The following HS6ST3 variants were observed in gnomAD, a reference collection of about 807,000 sequenced individuals.
HS6ST3 encodes heparan sulfate 6-O-sulfotransferase 3.
Under a neutral mutation model 36.7 loss-of-function variants are expected in HS6ST3, and 12 were observed. That is an observed-to-expected ratio of 0.33 (90% CI 0.21 to 0.53). The LOEUF (loss-of-function observed/expected upper bound fraction) is 0.53. Ranked by LOEUF, HS6ST3 falls within the 20% of genes least tolerant of loss-of-function variation. HS6ST3 has a pLI of 0.95. For synonymous variants in HS6ST3, 240 were observed against 257.5 expected, an observed-to-expected ratio of 0.93 and a Z score of 0.65; for missense variants, 584 against 640.9, an observed-to-expected ratio of 0.91 and a Z score of 0.96.
intron 1 of HS6ST3, among the ~76,000 whole-genome samples, chr13:96,462,672 A>G (rs1046103431): frequency 1.3e-5 from 2 of 152,220 alleles, no homozygotes; most frequent in East Asian, 3.9e-4. Context: ...CAAAACTGTC[A>G]TTGTTTAAAG....
At chr13:96,653,796 A>C (rs892149161) in intron 1 of HS6ST3, among the ~76,000 whole-genome samples, 1 of 152,208 alleles carries the variant, frequency 6.6e-6, no homozygotes, top group Admixed American at 6.5e-5. Context: ...TGTCTACCAC[A>C]ATGGTTGAAC....
intron 1 of HS6ST3, among the ~76,000 whole-genome samples, chr13:96,767,440 T>C (rs186334650): frequency 6.6e-6 from 1 of 152,350 alleles, no homozygotes; most frequent in Admixed American, 6.5e-5. Flanking sequence ...GTGTGTGATA[T>C]TGAAGTTATG....
intron 1 of HS6ST3, among the ~76,000 whole-genome samples, chr13:96,422,589 C>G (rs1161229848): frequency 6.6e-6 from 1 of 152,164 alleles, no homozygotes; most frequent in Non-Finnish European, 1.5e-5. Flanking sequence ...GCAATTGCCA[C>G]TATGTGATAG....
chr13:96,669,778 G>A (rs961957281), intron 1 of HS6ST3, among the ~76,000 whole-genome samples: 2 of 152,072 alleles, frequency 1.3e-5, no homozygotes, highest in African/African-American at 4.8e-5. Flanking sequence ...AAGACCCTCT[G>A]TTCTAAGGCT....
intron 1 of HS6ST3, among the ~76,000 whole-genome samples, chr13:96,153,807 C>T (rs1431094368): frequency 1.3e-5 from 2 of 152,116 alleles, no homozygotes; most frequent in African/African-American, 2.4e-5. Flanking sequence ...GAGGAATTTC[C>T]AACCAGAATA....
chr13:96,606,735 G>T (rs984806554), intron 1 of HS6ST3, among the ~76,000 whole-genome samples: 5 of 151,944 alleles, frequency 3.3e-5, no homozygotes, highest in Non-Finnish European at 1.5e-5. Flanking sequence ...CCACATGACA[G>T]ATCTGCCCAT....
At chr13:96,395,591 C>T (rs552216202) in intron 1 of HS6ST3, among the ~76,000 whole-genome samples, 95 of 152,278 alleles carry the variant, frequency 6.2e-4, no homozygotes, top group African/African-American at 1.9e-3. Context: ...TAGTAATTCT[C>T]GTTTCATGTG....
intron 1 of HS6ST3, among the ~76,000 whole-genome samples, chr13:96,211,525 C>T (rs2054399133): frequency 6.6e-6 from 1 of 152,148 alleles, no homozygotes; most frequent in Non-Finnish European, 1.5e-5. Context: ...ATTAGTTGCT[C>T]CAATTTTCAG....
chr13:96,831,886 C>T (rs142752448), intron 1 of HS6ST3, among the ~76,000 whole-genome samples: 13,254 of 135,988 alleles, frequency 0.097, 659 homozygotes, highest in Non-Finnish European at 0.11. Flanking sequence ...ACCCGGGAGG[C>T]AGAGGTTGCG....
chr13:96,226,861 A>C (rs992105129), intron 1 of HS6ST3, among the ~76,000 whole-genome samples: 32 of 152,356 alleles, frequency 2.1e-4, no homozygotes, highest in South Asian at 2.1e-4. Context: ...GTCTTTTAAC[A>C]ATGGTTATTA....
chr13:96,277,463 T>G (rs2054754034), intron 1 of HS6ST3, among the ~76,000 whole-genome samples: 1 of 152,214 alleles, frequency 6.6e-6, no homozygotes, highest in African/African-American at 2.4e-5. Flanking sequence ...AGACAAAGAT[T>G]AGAGCTTCTG....
At chr13:96,502,199 T>C (rs910277505) in intron 1 of HS6ST3, among the ~76,000 whole-genome samples, 2 of 152,190 alleles carry the variant, frequency 1.3e-5, no homozygotes, top group Non-Finnish European at 2.9e-5. Flanking sequence ...TTGGGTGATA[T>C]CTGAAATGCC....
intron 1 of HS6ST3, among the ~76,000 whole-genome samples, chr13:96,702,545 C>A (rs116414344): frequency 0.015 from 2,277 of 152,284 alleles, 56 homozygotes; most frequent in African/African-American, 0.051. Context: ...GAGTACAGTG[C>A]GGATCATCTA....
At chr13:96,204,527 A>T (rs2054359942) in intron 1 of HS6ST3, among the ~76,000 whole-genome samples, 1 of 152,212 alleles carries the variant, frequency 6.6e-6, no homozygotes, top group Admixed American at 6.5e-5. Context: ...TCTCCACCCA[A>T]AAACAACAGA....
chr13:96,781,205 T>C (rs1877517583), intron 1 of HS6ST3, among the ~76,000 whole-genome samples: 1 of 152,198 alleles, frequency 6.6e-6, no homozygotes, highest in Admixed American at 6.5e-5. Flanking sequence ...TCCTATTCCA[T>C]GTTAGCTGCC....
chr13:96,275,831 AC>A (rs1426497571), intron 1 of HS6ST3, among the ~76,000 whole-genome samples: 4 of 150,138 alleles, frequency 2.7e-5, no homozygotes, highest in Non-Finnish European at 5.9e-5. Flanking sequence ...AAATGCCAGT[AC>A]CATTCTTCTT....
chr13:96,223,858 G>T (rs2054467767), intron 1 of HS6ST3, among the ~76,000 whole-genome samples: 1 of 151,882 alleles, frequency 6.6e-6, no homozygotes, highest in Admixed American at 6.6e-5. Context: ...TCTAGTTGGG[G>T]GACTTCAATC....
intron 1 of HS6ST3, among the ~76,000 whole-genome samples, chr13:96,135,142 T>C (rs2053994963): frequency 6.6e-6 from 1 of 152,188 alleles, no homozygotes; most frequent in Non-Finnish European, 1.5e-5. Context: ...TCCTGAAATC[T>C]GTTCTACCTC....
intron 1 of HS6ST3, among the ~76,000 whole-genome samples, chr13:96,511,979 G>A (rs2056051666): frequency 6.6e-6 from 1 of 151,948 alleles, no homozygotes; most frequent in African/African-American, 2.4e-5. Flanking sequence ...TTTCTCAGTT[G>A]GTTTAAGGTA....
Sources: gnomAD v4.1 joint callset for allele counts (sites outside exome capture counted in the v4.1 genomes callset) on GRCh38, gnomAD v4.1.1 for gene constraint, MANE v1.5 for transcripts, NCBI Gene and HGNC (gene_info 2026-07-23, HGNC 2026-07-21) for gene names.